The following AGBL1 variants were observed in gnomAD, a reference collection of about 807,000 sequenced individuals.
AGBL1 encodes AGBL carboxypeptidase 1, also known as cytosolic carboxypeptidase 4.
In AGBL1, 130 loss-of-function variants were observed where a neutral mutation model predicts 118.9. The observed-to-expected ratio is 1.09, with a 90% CI of 0.95 to 1.26. AGBL1 has a LOEUF of 1.26. AGBL1 is among the 50% of genes most tolerant of loss of function. The pLI is 0.00. For missense variants in AGBL1, 1,584 were observed against 1,298.1 expected, an observed-to-expected ratio of 1.22 and a Z score of -3.38; for synonymous variants, 555 against 478.9, an observed-to-expected ratio of 1.16 and a Z score of -2.08.
chr15:86,297,844 C>T (rs756326023), intron 17 of AGBL1, among the ~76,000 whole-genome samples: 3 of 152,096 alleles, frequency 2.0e-5, no homozygotes, highest in East Asian at 1.9e-4. Flanking sequence ...ACACAACAAA[C>T]GTGCTGACTC....
chr15:86,255,493 T>G (rs1001126548), intron 7 of AGBL1, among the ~76,000 whole-genome samples: 1 of 152,206 alleles, frequency 6.6e-6, no homozygotes, highest in East Asian at 1.9e-4. Context: ...AAAGCTGGCT[T>G]ACTTAAGGCT....
chr15:86,884,487 G>C (rs2079941625), intron 22 of AGBL1, among the ~76,000 whole-genome samples: 1 of 152,230 alleles, frequency 6.6e-6, no homozygotes, highest in South Asian at 2.1e-4. Flanking sequence ...TAGATAAAAG[G>C]AGACTACTGC....
At chr15:86,196,020 A>G (rs1377578073) in intron 5 of AGBL1, among the ~76,000 whole-genome samples, 1 of 152,192 alleles carries the variant, frequency 6.6e-6, no homozygotes, top group Non-Finnish European at 1.5e-5. Flanking sequence ...CAAATGCCAT[A>G]AGACATTTTT....
At chr15:86,843,410 G>T (rs1262681367) in intron 22 of AGBL1, among the ~76,000 whole-genome samples, 1 of 152,048 alleles carries the variant, frequency 6.6e-6, no homozygotes, top group Non-Finnish European at 1.5e-5. Context: ...GAAGGGTAAG[G>T]GTGGGTGTAT....
intron 21 of AGBL1, among the ~76,000 whole-genome samples, chr15:86,638,449 A>T (rs1340314320): frequency 6.6e-6 from 1 of 152,094 alleles, no homozygotes; most frequent in East Asian, 1.9e-4. Flanking sequence ...CTGCCATCAT[A>T]TTATCACTCT....
Position 86,158,952 on chromosome 15 carries a change from G to C in AGBL1, c.414G>C (p.Leu138=), listed in dbSNP as rs917111125. The stretch of plus-strand genomic sequence containing the variant: ...TCTTAGTCTCCATGGGAGCCATGCT[G>C]GGAATTAATGGAGCCATGGAACTGC... ...FASSVSMGAM[L]GINGAMELLF... Residue 138 remains leucine (L), a synonymous_variant, in exon 5 of 23, where the codon CTG becomes CTC. Coordinates refer to ENST00000614907, the MANE Select transcript of AGBL1 (RefSeq NM_001386094.1). The C allele has an allele frequency of 6.2e-7, 1 of 1,613,300 alleles. No individual in the cohort carries two copies. Among genetic ancestry groups the C allele is most frequent in the Non-Finnish European group, 8.5e-7 (1 of 1,179,404 alleles).
At chr15:86,982,742 C>T (rs1363546533) in intron 23 of AGBL1, among the ~76,000 whole-genome samples, 1 of 152,110 alleles carries the variant, frequency 6.6e-6, no homozygotes, top group East Asian at 1.9e-4. Flanking sequence ...CTCTAGCTTA[C>T]TTTATTGTAA....
chr15:86,928,071 G>A (rs757693477), intron 23 of AGBL1, among the ~76,000 whole-genome samples: 2 of 152,188 alleles, frequency 1.3e-5, no homozygotes, highest in Non-Finnish European at 2.9e-5. Context: ...AAAAAAGGAA[G>A]GATAAGCTAG....
At chr15:86,902,985 T>C (rs750399685) in intron 22 of AGBL1, among the ~76,000 whole-genome samples, 2 of 152,122 alleles carry the variant, frequency 1.3e-5, no homozygotes, top group Non-Finnish European at 2.9e-5. Context: ...CATTATTTCT[T>C]TGGATACCTT....
At chr15:86,648,258 T>A (rs1284998671) in intron 21 of AGBL1, among the ~76,000 whole-genome samples, 1 of 152,118 alleles carries the variant, frequency 6.6e-6, no homozygotes, top group Non-Finnish European at 1.5e-5. Context: ...GGTAGGAGGC[T>A]ATTGCAGTTC....
intron 22 of AGBL1, among the ~76,000 whole-genome samples, chr15:86,702,913 C>G (rs2086385126): frequency 6.6e-6 from 1 of 151,932 alleles, no homozygotes. Flanking sequence ...TTCAAGGAAG[C>G]AAGTGTAGAT....
intron 18 of AGBL1, among the ~76,000 whole-genome samples, chr15:86,426,218 A>T (rs2081864768): frequency 6.6e-6 from 1 of 152,200 alleles, no homozygotes. Context: ...AGTTAATGTA[A>T]AAGCCCTCAT....
At chr15:86,196,901 A>G (rs1307443175) in intron 5 of AGBL1, among the ~76,000 whole-genome samples, 55 of 151,492 alleles carry the variant, frequency 3.6e-4, no homozygotes, top group African/African-American at 1.1e-3. Flanking sequence ...ACACACACAC[A>G]CACACACACA....
intron 17 of AGBL1, among the ~76,000 whole-genome samples, chr15:86,328,328 C>T (rs1265606005): frequency 6.6e-6 from 1 of 152,016 alleles, no homozygotes; most frequent in Non-Finnish European, 1.5e-5. Context: ...GAGAACGATA[C>T]AGAAAGTATG....
At chr15:86,658,403 C>T (rs2085492809) in intron 21 of AGBL1, among the ~76,000 whole-genome samples, 1 of 152,132 alleles carries the variant, frequency 6.6e-6, no homozygotes, top group African/African-American at 2.4e-5. Flanking sequence ...TTTCTTAAGT[C>T]TGAATAGAAA....
At chr15:86,124,475 A>G (rs1464703499) in intron 1 of AGBL1, among the ~76,000 whole-genome samples, 1 of 152,196 alleles carries the variant, frequency 6.6e-6, no homozygotes, top group Non-Finnish European at 1.5e-5. Flanking sequence ...ACAACAGGTT[A>G]TAAAGAAACT....
At chr15:86,529,364 G>C (rs2083315685) in intron 19 of AGBL1, among the ~76,000 whole-genome samples, 1 of 136,082 alleles carries the variant, frequency 7.3e-6, no homozygotes, top group Non-Finnish European at 1.5e-5. Context: ...ATCAACGATG[G>C]AAGATGAAAT....
chr15:86,516,851 G>A (rs942967012), intron 18 of AGBL1, among the ~76,000 whole-genome samples: 1 of 151,314 alleles, frequency 6.6e-6, no homozygotes, highest in African/African-American at 2.4e-5. Flanking sequence ...ATTGATGCAA[G>A]TGATGCGGTA....
chr15:86,954,154 G>T (rs745324545), intron 23 of AGBL1, among the ~76,000 whole-genome samples: 1 of 152,132 alleles, frequency 6.6e-6, no homozygotes, highest in Non-Finnish European at 1.5e-5. Context: ...AACAGAATCT[G>T]GTGAGGCTGC....
Sources: gnomAD v4.1 joint callset for allele counts (sites outside exome capture counted in the v4.1 genomes callset) on GRCh38, gnomAD v4.1.1 for gene constraint, MANE v1.5 for transcripts, NCBI Gene and HGNC (gene_info 2026-07-23, HGNC 2026-07-21) for gene names.